PLCG2: variants seen among roughly 807,000 people sequenced by gnomAD.
PLCG2 encodes phospholipase C gamma 2, also known as 1-phosphatidylinositol 4,5-bisphosphate phosphodiesterase gamma-2.
A neutral mutation model predicts 175.6 loss-of-function variants in PLCG2; 69 were observed. That is an observed-to-expected ratio of 0.39 (90% CI 0.32 to 0.48). The LOEUF is 0.48. Ranked by LOEUF, PLCG2 falls within the 20% of genes least tolerant of loss-of-function variation. The pLI, the probability that PLCG2 is intolerant of heterozygous loss-of-function variation, is 0.91. For synonymous variants in PLCG2, 827 were observed against 624.0 expected (o/e 1.33, Z -4.85); for missense variants, 1,798 against 1,650.9 (o/e 1.09, Z -1.54).
Position 81,936,329 on chromosome 16 carries a change from C to T in PLCG2, c.3003C>T (p.Arg1001=), listed in dbSNP as rs757865023. The T allele has an allele frequency of 1.9e-6, 3 of 1,614,090 alleles. No homozygotes were observed. Among genetic ancestry groups the T allele is most frequent in the African/African-American group, 2.7e-5 (2 of 74,932 alleles). The change falls in exon 27 of 33, where the codon CGC becomes CGT. Residue 1001 remains arginine, a synonymous_variant. Coordinates refer to ENST00000564138, the MANE Select transcript of PLCG2 (RefSeq NM_002661.5). Reference sequence around the variant, plus strand: ...ACTCTTCAAACTACGACCCCTTCCGCCTCTGGCTGTGCGGTTCTCAGATGG... The same window carrying T: ...ACTCTTCAAACTACGACCCCTTCCGTCTCTGGCTGTGCGGTTCTCAGATGG... ...RVDSSNYDPF[R]LWLCGSQMVA...
intron 2 of PLCG2, among the ~76,000 whole-genome samples, chr16:81,804,607 C>G (rs1440052632): frequency 6.6e-6 from 1 of 152,188 alleles, no homozygotes; most frequent in Non-Finnish European, 1.5e-5. Flanking sequence ...TCTTAGTTCC[C>G]TCAGTAGATG....
chr16:81,936,105 C>T, intron 26 of PLCG2, 64 bp from the exon 27 acceptor site: 1 of 1,588,378 alleles, frequency 6.3e-7, no homozygotes, highest in Non-Finnish European at 8.6e-7. Flanking sequence ...GCCATTGCAG[C>T]AAACATTAAG....
chr16:81,866,361 G>C (rs1440839143), intron 5 of PLCG2, among the ~76,000 whole-genome samples: 6 of 132,028 alleles, frequency 4.5e-5, no homozygotes, highest in Non-Finnish European at 9.8e-5. Context: ...TTGCTCCCAG[G>C]TTGAGCTCCA....
intron 2 of PLCG2, among the ~76,000 whole-genome samples, chr16:81,845,380 C>T (rs1567494694): frequency 1.3e-5 from 2 of 152,164 alleles, no homozygotes; most frequent in Non-Finnish European, 2.9e-5. Flanking sequence ...CACACATGTA[C>T]AGTCGCACAC....
Position 81,961,334 on chromosome 16 carries a change from G to T in PLCG2, c.*3336G>T, listed in dbSNP as rs1371825392. ...TAAGATGTTATCAATCTACATAGAT[G>T]AAATAATTGTGGAGAAAAGCCCTCT... On this transcript the variant is annotated 3_prime_UTR_variant, in exon 33 of 33. Transcript: ENST00000564138. 4 of 225,274 alleles carry T rather than the reference G, an allele frequency of 1.8e-5. No individual in the cohort carries two copies. The highest frequency in any genetic ancestry group is 3.5e-5 in the Non-Finnish European group (4 of 113,296). 14.0% of individuals were successfully genotyped at this position (225,274 alleles called of 1,614,324 possible). A position where few individuals can be genotyped will look rare whatever the true frequency, so the allele number is the denominator to read the frequency against.
intron 2 of PLCG2, among the ~76,000 whole-genome samples, chr16:81,837,852 T>C (rs1034745595): frequency 9.8e-4 from 149 of 152,148 alleles, no homozygotes; most frequent in African/African-American, 3.4e-3. Context: ...TGTAGTGCAG[T>C]ATCACAGCCA....
At chr16:81,794,417 C>G (rs1911373229) in intron 2 of PLCG2, among the ~76,000 whole-genome samples, 1 of 152,062 alleles carries the variant, frequency 6.6e-6, no homozygotes. Flanking sequence ...AGGGTGGTCC[C>G]CAAGCCCCTG....
At chr16:81,903,702 G>A (rs756863021) in intron 14 of PLCG2, among the ~76,000 whole-genome samples, 1 of 152,164 alleles carries the variant, frequency 6.6e-6, no homozygotes, top group Non-Finnish European at 1.5e-5. Context: ...CACCTAGTTG[G>A]TGAGTCTTCG....
intron 15 of PLCG2, among the ~76,000 whole-genome samples, chr16:81,907,123 C>G (rs988701441): frequency 6.6e-6 from 1 of 150,986 alleles, no homozygotes; most frequent in Admixed American, 6.6e-5. Context: ...CACATGTACC[C>G]TAGAACTTAA....
rs576927638 is a variant in PLCG2 at position 81,949,443 on chromosome 16, T to C, written c.3570+3180T>C. Among the ~76,000 whole-genome samples, 172 of 152,314 alleles carry C rather than the reference T, an allele frequency of 1.1e-3. 1 individual carries two copies. Among genetic ancestry groups the C allele is most frequent in the Non-Finnish European group, 6.5e-4 (44 of 68,036 alleles). The stretch of plus-strand genomic sequence containing the variant: ...CTAATATCAGACTTGTCCTCTTTGG[T>C]GCTGAAAACTAAAAGACTCCCAAAG... On this transcript the variant is annotated intron_variant, in intron 31 of 32. Coordinates refer to ENST00000564138, the MANE Select transcript of PLCG2 (RefSeq NM_002661.5).
At position 81,784,247 on chromosome 16, in the gene PLCG2, C is replaced by G. The variant is rs1473704936; in HGVS notation, c.-47-1696C>G. On this transcript the variant is annotated intron_variant, in intron 1 of 32. Coordinates refer to ENST00000564138, the MANE Select transcript of PLCG2 (RefSeq NM_002661.5). Reference sequence around the variant, plus strand: ...CATTCCCCTCATTTGCATCCTAGTCCCCACCTCAGTGCCTGGCATAGAGTT... The same window carrying G: ...CATTCCCCTCATTTGCATCCTAGTCGCCACCTCAGTGCCTGGCATAGAGTT... 2.0e-5 allele frequency among the ~76,000 whole-genome samples: 3 copies of G among 152,164 alleles called. No individual in the cohort carries two copies. The South Asian group carries it at 6.2e-4, about 31-fold the overall frequency.
intron 30 of PLCG2, among the ~76,000 whole-genome samples, chr16:81,941,014 T>G (rs1036098769): frequency 6.6e-6 from 1 of 152,202 alleles, no homozygotes. Context: ...CTGAGGATCA[T>G]TTTTCAAGAG....
At chr16:81,863,242 T>A (rs56054659) in intron 5 of PLCG2, among the ~76,000 whole-genome samples, 58,715 of 152,124 alleles carry the variant, frequency 0.39, 12,095 homozygotes, top group Non-Finnish European at 0.48. Flanking sequence ...ACCACTCTAC[T>A]GTCTGTCTCT....
chr16:81,919,440 C>A, intron 19 of PLCG2, 44 bp from the exon 20 acceptor site: 1 of 1,536,844 alleles, frequency 6.5e-7, no homozygotes, highest in South Asian at 1.1e-5. Flanking sequence ...ATTGTTTGGC[C>A]ACCAGGATCT....
At chr16:81,942,759 C>A (rs1910997324) in intron 30 of PLCG2, among the ~76,000 whole-genome samples, 1 of 152,178 alleles carries the variant, frequency 6.6e-6, no homozygotes. Context: ...GAGATTCAAA[C>A]CCAGGAATGT....
At chr16:81,739,176 G>A (rs955343985) in exon 1 of PLCG2, 2 of 152,192 alleles carry the variant, frequency 1.3e-5, no homozygotes, top group East Asian at 1.9e-4. Flanking sequence ...CAGCACCTGC[G>A]GCTGTTGAGA....
chr16:81,902,019 G>A (rs1222423955), intron 14 of PLCG2, among the ~76,000 whole-genome samples: 1 of 152,200 alleles, frequency 6.6e-6, no homozygotes, highest in Non-Finnish European at 1.5e-5. Context: ...GTGGACGCTT[G>A]GTCTCAGGCA....
chr16:81,749,793 T>G (rs1909770228), intron 1 of PLCG2, among the ~76,000 whole-genome samples: 1 of 152,236 alleles, frequency 6.6e-6, no homozygotes, highest in African/African-American at 2.4e-5. Flanking sequence ...TCTTTCCCTG[T>G]GGATATACTC....
chr16:81,820,763 G>A (rs12933962), intron 2 of PLCG2, among the ~76,000 whole-genome samples: 12,148 of 152,108 alleles, frequency 0.08, 519 homozygotes, highest in Non-Finnish European at 0.1. Flanking sequence ...TGGGATTACA[G>A]GTGCACACCA....
Sources: allele counts gnomAD v4.1 joint callset (sites outside exome capture counted in the v4.1 genomes callset), GRCh38; gene constraint gnomAD v4.1.1; transcripts MANE v1.5; gene names NCBI Gene and HGNC (gene_info 2026-07-23, HGNC 2026-07-21).